Variants in VPS13B observed in about 807,000 individuals in gnomAD.
VPS13B encodes the protein vacuolar protein sorting 13 homolog B.
A neutral mutation model predicts 426.4 loss-of-function variants in VPS13B; 285 were observed. The ratio of observed to expected loss-of-function variants is 0.67; its 90% confidence interval spans 0.61 to 0.74. VPS13B has a LOEUF of 0.74. Ranked by LOEUF, VPS13B falls within the 30% of genes least tolerant of loss-of-function variation. The pLI, the probability that VPS13B is intolerant of heterozygous loss-of-function variation, is 0.00. For missense variants in VPS13B, 4,537 were observed against 4,782.6 expected, an observed-to-expected ratio of 0.95 and a Z score of 1.51; for synonymous variants, 1,676 against 1,676.4, an observed-to-expected ratio of 1.00 and a Z score of 0.01.
chr8:99,515,411 C>CCTA (rs952680096), intron 29 of VPS13B, among the ~76,000 whole-genome samples: 1 of 151,624 alleles, frequency 6.6e-6, no homozygotes. Flanking sequence ...TCCTCCTCCT[C>CCTA]CTCCTCCTCC....
intron 33 of VPS13B, among the ~76,000 whole-genome samples, chr8:99,626,563 A>G (rs1828621252): frequency 6.6e-6 from 1 of 152,266 alleles, no homozygotes; most frequent in African/African-American, 2.4e-5. Flanking sequence ...TACAAAAAGC[A>G]CATTTATATA....
At chr8:99,870,163 A>G (rs549540555) in intron 59 of VPS13B, among the ~76,000 whole-genome samples, 51 of 151,880 alleles carry the variant, frequency 3.4e-4, no homozygotes, top group African/African-American at 1.2e-3. Flanking sequence ...AAGGAAGTTA[A>G]CTAACAATCT....
chr8:99,415,469 G>T (rs1228126577), intron 21 of VPS13B, among the ~76,000 whole-genome samples: 1 of 151,994 alleles, frequency 6.6e-6, no homozygotes, highest in Non-Finnish European at 1.5e-5. Flanking sequence ...GCAAGGAGTT[G>T]TGATCCTTTG....
chr8:99,536,129 A>G (rs1823205572), intron 30 of VPS13B, among the ~76,000 whole-genome samples: 1 of 151,940 alleles, frequency 6.6e-6, no homozygotes, highest in Non-Finnish European at 1.5e-5. Flanking sequence ...TTGTATATTT[A>G]GTAGAGACAG....
At chr8:99,711,589 A>G (rs1832711937) in intron 36 of VPS13B, among the ~76,000 whole-genome samples, 1 of 152,224 alleles carries the variant, frequency 6.6e-6, no homozygotes, top group Non-Finnish European at 1.5e-5. Context: ...CTGAAAAAAA[A>G]GTGAACAGCA....
At chr8:99,727,329 A>T (rs909159389) in intron 39 of VPS13B, among the ~76,000 whole-genome samples, 5 of 152,222 alleles carry the variant, frequency 3.3e-5, no homozygotes, top group African/African-American at 7.2e-5. Context: ...TTAGACAAAG[A>T]TATGCAAAGT....
chr8:99,642,535 A>G, intron 34 of VPS13B, 37 bp downstream of exon 34: 1 of 1,536,240 alleles, frequency 6.5e-7, no homozygotes. Context: ...GCTAATAATT[A>G]CTATCTAATA....
At chr8:99,608,473 C>A (rs1180268932) in intron 33 of VPS13B, among the ~76,000 whole-genome samples, 1 of 152,120 alleles carries the variant, frequency 6.6e-6, no homozygotes, top group Non-Finnish European at 1.5e-5. Flanking sequence ...ATTTGTTAAA[C>A]AGCTTTGTTG....
At chr8:99,538,882 A>G (rs1823402042) in intron 30 of VPS13B, among the ~76,000 whole-genome samples, 2 of 152,224 alleles carry the variant, frequency 1.3e-5, no homozygotes, top group Non-Finnish European at 2.9e-5. Flanking sequence ...TGACTTTATC[A>G]TTATACTTAA....
At position 99,442,556 on chromosome 8, in the gene VPS13B, G is replaced by C. The variant is rs752453891; in HGVS notation, c.3366G>C (p.Lys1122Asn). 26 of 1,613,818 alleles carry C rather than the reference G, an allele frequency of 1.6e-5. No homozygotes were observed. Among genetic ancestry groups the C allele is most frequent in the Non-Finnish European group, 2.2e-5 (26 of 1,179,918 alleles). The change falls in exon 23 of 62, where the codon AAG becomes AAC. Residue 1122 changes from lysine (K) to asparagine (N), a missense_variant. Coordinates refer to ENST00000357162, the MANE Select transcript of VPS13B (RefSeq NM_152564.5). ...GTLVLCLPQIKIISAGHKYME... is the reference protein window; with the variant it reads ...GTLVLCLPQINIISAGHKYME... ...TTGTCCTCTGTTTGCCTCAAATAAA[G>C]ATTATTAGTGCTGGGCACAAGTATA... is the stretch of plus-strand genomic sequence containing the variant.
At chr8:99,553,357 A>C (rs529480483) in intron 30 of VPS13B, among the ~76,000 whole-genome samples, 1 of 152,274 alleles carries the variant, frequency 6.6e-6, no homozygotes, top group East Asian at 1.9e-4. Flanking sequence ...ATTCAGAAAT[A>C]GGTGATACTA....
chr8:99,848,957 T>TTGTAAC, intron 55 of VPS13B, 63 bp downstream of exon 55: 1 of 1,453,640 alleles, frequency 6.9e-7, no homozygotes, highest in Non-Finnish European at 9.7e-7. Context: ...GTTGTAAACT[T>TTGTAAC]AGTATTTATC....
intron 23 of VPS13B, among the ~76,000 whole-genome samples, chr8:99,448,121 T>TTTTTTTTA (rs370691071): frequency 4.3e-4 from 61 of 141,788 alleles, no homozygotes; most frequent in East Asian, 2.0e-3. Context: ...GTGGTTTTAT[T>TTTTTTTTA]TTTATTTATT....
At chr8:99,387,373 A>G (rs929024169) in intron 20 of VPS13B, among the ~76,000 whole-genome samples, 2 of 151,940 alleles carry the variant, frequency 1.3e-5, no homozygotes, top group East Asian at 1.9e-4. Context: ...ACCCACCACC[A>G]TGCCTGGCTA....
At chr8:99,714,091 A>T (rs1416668981) in intron 36 of VPS13B, among the ~76,000 whole-genome samples, 1 of 149,684 alleles carries the variant, frequency 6.7e-6, no homozygotes, top group African/African-American at 2.5e-5. Context: ...GTGAGCCGAG[A>T]TCATGCCACT....
rs753607562 is a variant in VPS13B at position 99,384,213 on chromosome 8, G to T, written c.2830G>T (p.Val944Leu). Reference sequence around the variant, plus strand: ...TTAAAAATCTTGTCTTTTAGGTGCTGTACTTCTTTGCAGTATACAAGGACT... The same window carrying T: ...TTAAAAATCTTGTCTTTTAGGTGCTTTACTTCTTTGCAGTATACAAGGACT... ...YIDYCHNSGA[V>L]LLCSIQGLAV... Residue 944 changes from valine to leucine, a missense_variant, in exon 20 of 62, where the codon GTA (valine) becomes TTA (leucine). By Grantham distance (32) the Val-to-Leu change is conservative (BLOSUM62 1). This residue lies in a region of VPS13B where 4,311 missense variants were observed against 4,474.3 expected (regional missense o/e 0.96). Coordinates refer to ENST00000357162, the MANE Select transcript of VPS13B (RefSeq NM_152564.5). 3.7e-6 allele frequency: 6 copies of T among 1,613,538 alleles called. No homozygotes were observed. Among genetic ancestry groups the T allele is most frequent in the Non-Finnish European group, 4.2e-6 (5 of 1,179,642 alleles).
At chr8:99,305,621 G>A (rs1477187980) in intron 19 of VPS13B, among the ~76,000 whole-genome samples, 1 of 151,856 alleles carries the variant, frequency 6.6e-6, no homozygotes, top group East Asian at 1.9e-4. Flanking sequence ...TCAAATACAG[G>A]GCCTATTTAT....
chr8:99,739,515 A>G (rs1833978955), intron 39 of VPS13B, among the ~76,000 whole-genome samples: 1 of 152,232 alleles, frequency 6.6e-6, no homozygotes, highest in African/African-American at 2.4e-5. Flanking sequence ...GAGAATGGAC[A>G]GACTGCCTCC....
intron 3 of VPS13B, among the ~76,000 whole-genome samples, chr8:99,085,666 C>G (rs1343382979): frequency 6.6e-6 from 1 of 152,186 alleles, no homozygotes; most frequent in Non-Finnish European, 1.5e-5. Flanking sequence ...AATCTCTCAG[C>G]ATTTGCTTGT....
Sources: allele counts gnomAD v4.1 joint callset (sites outside exome capture counted in the v4.1 genomes callset), GRCh38; gene constraint gnomAD v4.1.1; regional missense constraint gnomAD v4.1.1; transcripts MANE v1.5; gene names NCBI Gene and HGNC (gene_info 2026-07-23, HGNC 2026-07-21).